HSD11B1L: variants seen among roughly 807,000 people sequenced by gnomAD.
HSD11B1L encodes hydroxysteroid 11-beta dehydrogenase 1 like, also known as hydroxysteroid 11-beta-dehydrogenase 1-like protein.
In HSD11B1L, 22 loss-of-function variants were observed where a neutral mutation model predicts 27.0. That is an observed-to-expected ratio of 0.81 (90% CI 0.58 to 1.16). The LOEUF (loss-of-function observed/expected upper bound fraction) is 1.16. Among genes scored for constraint, HSD11B1L ranks in the 50% most tolerant of loss-of-function variants. The pLI is 0.00. For synonymous variants in HSD11B1L, 187 were observed against 189.2 expected (o/e 0.99, Z 0.09); for missense variants, 372 against 401.8 (o/e 0.93, Z 0.63).
rs1368785897 is a variant in HSD11B1L at position 5,687,611 on chromosome 19, C to T, written c.611C>T (p.Ala204Val). ...RELDVQDVNVAITMCVLGLRD... is the reference protein window; with the variant it reads ...RELDVQDVNVVITMCVLGLRD... ...CTGGACGTGCAGGACGTGAACGTGG[C>T]CATCACCATGTGCGTCCTGGGCCTC... Residue 204 changes from alanine to valine, a missense_variant, in exon 7 of 8, where the codon GCC (alanine) becomes GTC (valine). Coordinates refer to ENST00000339423, the MANE Select transcript of HSD11B1L (RefSeq NM_198706.3). This position sits in a 1 kb window ranked among gnomAD's most constrained non-coding sequence, Gnocchi z 6.6. 2.5e-6 allele frequency: 4 copies of T among 1,598,114 alleles called. No homozygotes were observed. In the East Asian group the frequency reaches 6.7e-5, roughly 27 times the overall value.
rs1187553186 is a variant in HSD11B1L at position 5,686,408 on chromosome 19, C to G, written c.205-8C>G. 3 of 1,553,812 alleles carry G rather than the reference C, an allele frequency of 1.9e-6. No individual in the cohort carries two copies. Among genetic ancestry groups the G allele is most frequent in the Admixed American group, 2.0e-5 (1 of 50,612 alleles). ...GAGAGGCCCACGGGCAGCTCTGGCC[C>G]CCCCCAGGTGGTAGGGAACTGCCGG... On this transcript the variant is annotated splice_polypyrimidine_tract_variant and splice_region_variant and intron_variant, in intron 3 of 7. Coordinates refer to ENST00000339423, the MANE Select transcript of HSD11B1L (RefSeq NM_198706.3).
At chr19:5,686,389 C>A in intron 3 of HSD11B1L, 27 bp from the exon 4 acceptor site, 1 of 1,472,418 alleles carries the variant, frequency 6.8e-7, no homozygotes, top group Non-Finnish European at 9.2e-7. Context: ...AGAGGAGAGG[C>A]CCACGGGCAG....
Sources: gnomAD v4.1 joint callset for allele counts on GRCh38, gnomAD v4.1.1 for gene constraint, Gnocchi (gnomAD v3.1) non-coding constraint, MANE v1.5 for transcripts, NCBI Gene and HGNC (gene_info 2026-07-23, HGNC 2026-07-21) for gene names.